Variants in P3H1 observed in about 807,000 individuals in gnomAD.
The protein encoded by P3H1 is prolyl 3-hydroxylase 1, also known as growth suppressor 1.
A neutral mutation model predicts 84.0 loss-of-function variants in P3H1; 69 were observed. The observed-to-expected ratio is 0.82, with a 90% CI of 0.68 to 1.00. P3H1 has a LOEUF of 1.00. Ranked by LOEUF, P3H1 falls within the 50% of genes least tolerant of loss-of-function variation. The probability of loss-of-function intolerance (pLI) is 0.00; values close to 1 mark genes in which losing one functional copy is unlikely to be tolerated. For synonymous variants in P3H1, 366 were observed against 388.8 expected (o/e 0.94, Z 0.69); for missense variants, 878 against 962.8 (o/e 0.91, Z 1.17).
intron 1 of P3H1, among the ~76,000 whole-genome samples, chr1:42,763,585 T>G (rs142729070): frequency 0.016 from 2,171 of 137,706 alleles, 60 homozygotes; most frequent in African/African-American, 0.056. Context: ...AGCAGGAGAA[T>G]CGCTTGAACC....
Position 42,757,926 on chromosome 1 carries a change from CA to C in P3H1, c.941-5del. On this transcript the variant is annotated splice_polypyrimidine_tract_variant and splice_region_variant and intron_variant, in intron 4 of 14. Coordinates refer to ENST00000296388, the MANE Select transcript of P3H1 (RefSeq NM_022356.4). ...ACAGCCTGTGTATAATTCCCAACTG[CA>C]AAGTGGAAAGAAGAATGGCTGAGAG... is the stretch of plus-strand genomic sequence containing the variant. 6.2e-7 allele frequency: 1 copy of C among 1,613,446 alleles called. No homozygotes were observed. The highest frequency in any genetic ancestry group is 8.5e-7 in the Non-Finnish European group (1 of 1,179,388).
At chr1:42,761,976 G>A in intron 2 of P3H1, 1 of 240,060 alleles carries the variant, frequency 4.2e-6, no homozygotes, top group Non-Finnish European at 8.3e-6. Context: ...AAAAAATAGG[G>A]CAAAATATAA....
intron 1 of P3H1, among the ~76,000 whole-genome samples, chr1:42,766,027 A>ACC (rs1553144418): frequency 1.5e-5 from 2 of 136,792 alleles, no homozygotes; most frequent in African/African-American, 3.0e-5. Context: ...GCCCCCACAC[A>ACC]CACACAGAAA....
intron 4 of P3H1, among the ~76,000 whole-genome samples, 185 bp downstream of exon 4, chr1:42,758,667 C>T (rs1288477751): frequency 1.3e-5 from 2 of 152,210 alleles, no homozygotes; most frequent in South Asian, 2.1e-4. Flanking sequence ...TTTTGGGTTG[C>T]TGGTATTGGC....
chr1:42,751,260 T>C (rs1252687568), intron 10 of P3H1, among the ~76,000 whole-genome samples: 2 of 95,758 alleles, frequency 2.1e-5, no homozygotes, highest in Non-Finnish European at 4.2e-5. Context: ...TGTTGATCTG[T>C]GACCTTATCC....
Position 42,754,806 on chromosome 1 carries a change from T to C in P3H1, c.1345+63A>G. On this transcript the variant is annotated intron_variant, in intron 8 of 14. Transcript: ENST00000296388. The surrounding 1 kb of genome is among the most constrained non-coding windows in gnomAD (Gnocchi z 4.0). The stretch of plus-strand genomic sequence containing the variant: ...CTGGGGTGGAGCGCTGCCTGGCAAA[T>C]GTGGGGTGACCTGCCTGGCTCCCTG... 1.2e-6 allele frequency: 2 copies of C among 1,611,772 alleles called. No individual in the cohort carries two copies. The highest frequency in any genetic ancestry group is 1.7e-6 in the Non-Finnish European group (2 of 1,178,506).
Position 42,766,905 on chromosome 1 carries a change from C to T in P3H1, c.67G>A (p.Glu23Lys), listed in dbSNP as rs1471879865. 2 of 1,609,106 alleles carry T rather than the reference C, an allele frequency of 1.2e-6. No individual in the cohort carries two copies. Among genetic ancestry groups the T allele is most frequent in the Non-Finnish European group, 1.7e-6 (2 of 1,179,822 alleles). The change falls in exon 1 of 15, where the codon GAG becomes AAG. Residue 23 changes from glutamate to lysine, a missense_variant. By Grantham distance (56) the Glu-to-Lys change is moderately conservative (BLOSUM62 1). Coordinates refer to ENST00000296388, the MANE Select transcript of P3H1 (RefSeq NM_022356.4). ...CCCCATCCTGCCTCGGACTCGACCT[C>T]GGCTTGGGAGGCAGCGGCCACGACA... ...LAVVAAASQA[E>K]VESEAGWGMV...
intron 5 of P3H1, among the ~76,000 whole-genome samples, chr1:42,756,725 G>A (rs773780307): frequency 5.9e-5 from 9 of 152,180 alleles, no homozygotes; most frequent in Non-Finnish European, 1.2e-4. Context: ...TTCATTCGAT[G>A]CTGATTTACT....
intron 10 of P3H1, chr1:42,751,575 AT>A (rs765030709): frequency 0.1 from 13,348 of 129,158 alleles, 752 homozygotes; most frequent in African/African-American, 0.16. Context: ...TAAAAAAAAA[AT>A]AAATAAATAA....
intron 11 of P3H1, 90 bp downstream of exon 11, chr1:42,750,096 C>T (rs970736153): frequency 1.6e-5 from 23 of 1,464,182 alleles, no homozygotes; most frequent in Middle Eastern, 2.0e-4. Flanking sequence ...GAAAAGGGAC[C>T]GCATCCTGTT....
chr1:42,760,455 T>C (rs78916587), intron 2 of P3H1: 8,927 of 152,106 alleles, frequency 0.059, 361 homozygotes, highest in African/African-American at 0.11. Context: ...CAAGTGATTC[T>C]AGCGCCTCAG....
In P3H1 at chr1:42,762,383, G is replaced by A. The variant is rs935067008; in HGVS notation, c.558C>T (p.Tyr186=). 1 of 1,614,120 alleles carries A rather than the reference G, an allele frequency of 6.2e-7. No homozygotes were observed. The highest frequency in any genetic ancestry group is 8.5e-7 in the Non-Finnish European group (1 of 1,179,982). The change falls in exon 2 of 15, where the codon TAC becomes TAT. Residue 186 remains tyrosine (Y), a synonymous_variant. Coordinates refer to ENST00000296388, the MANE Select transcript of P3H1 (RefSeq NM_022356.4). ...HMEMQQNLDY[Y]QTMSGVKEAD... ...CCTCCTTCACTCCAGACATGGTTTG[G>A]TAATAGTCTAGGTTCTGCTGCATTT...
At position 42,749,151 on chromosome 1, in the gene P3H1, G is replaced by A. The variant is rs183945181; in HGVS notation, c.1721-834C>T. 2.9e-3 allele frequency among the ~76,000 whole-genome samples: 438 copies of A among 152,360 alleles called. 2 individuals carry two copies. Among genetic ancestry groups the A allele is most frequent in the African/African-American group, 9.8e-3 (408 of 41,586 alleles). On this transcript the variant is annotated intron_variant, in intron 11 of 14. Coordinates refer to ENST00000296388, the MANE Select transcript of P3H1 (RefSeq NM_022356.4). Reference sequence around the variant, plus strand: ...CCTTTAAAAGTCAAGGCCTCACCACGTCCTTCACTGCTTGATGAGGCCTCC... The same window carrying A: ...CCTTTAAAAGTCAAGGCCTCACCACATCCTTCACTGCTTGATGAGGCCTCC...
Position 42,759,320 on chromosome 1 carries a change from G to A in P3H1, c.689C>T (p.Ala230Val), listed in dbSNP as rs369342678. ...QPQEAVPHLE[A>V]ALQEYFVAYE... ...GGCCACAAAGTATTCTTGCAGCGCCGCCTCTAGGTGGGGCACAGCTTCCTG... is the reference window on the plus strand; with the variant it reads ...GGCCACAAAGTATTCTTGCAGCGCCACCTCTAGGTGGGGCACAGCTTCCTG... The change falls in exon 3 of 15, where the codon GCG (alanine) becomes GTG (valine). Residue 230 changes from alanine to valine, a missense_variant. Physicochemically the swap from Ala to Val is moderately conservative, Grantham distance 64. Transcript: ENST00000296388. 171 of 1,614,014 alleles carry A rather than the reference G, an allele frequency of 1.1e-4. 1 individual carries two copies. Among genetic ancestry groups the A allele is most frequent in the Middle Eastern group, 4.9e-4 (3 of 6,084 alleles).
At chr1:42,752,693 A>C in intron 8 of P3H1, 29 bp from the exon 9 acceptor site, 1 of 1,613,974 alleles carries the variant, frequency 6.2e-7, no homozygotes, top group Non-Finnish European at 8.5e-7. Context: ...ACTCTAGCTA[A>C]ATCTAGCAGC....
rs78508345 is a variant in P3H1 at position 42,762,819 on chromosome 1, C to T, written c.466-344G>A. 2.0e-5 allele frequency among the ~76,000 whole-genome samples: 3 copies of T among 152,122 alleles called. 1 individual carries two copies. Among genetic ancestry groups the T allele is most frequent in the South Asian group, 4.1e-4 (2 of 4,830 alleles). On this transcript the variant is annotated intron_variant, in intron 1 of 14. Coordinates refer to ENST00000296388, the MANE Select transcript of P3H1 (RefSeq NM_022356.4). ...ACATAATATGTTTTCATGCTGGGTG[C>T]GGTGGCTCAGGTCTGTAATCCCAGC...
chr1:42,747,568 G>T lies in P3H1; in HGVS notation c.1914+155C>A, dbSNP rs1463243149. 13 of 1,093,176 alleles carry T rather than the reference G, an allele frequency of 1.2e-5. No homozygotes were observed. The South Asian group carries it at 1.6e-4, about 14-fold the overall frequency. 67.7% of individuals were successfully genotyped at this position (1,093,176 alleles called of 1,614,324 possible). A position where few individuals can be genotyped will look rare whatever the true frequency, so the allele number is the denominator to read the frequency against. On this transcript the variant is annotated intron_variant, in intron 13 of 14. Transcript: ENST00000296388. ...AAAGAGAAAGGGTGACTGGTTAGAGGAGTGATGGACACGTCTCAAAGCCCC... is the reference window on the plus strand; with the variant it reads ...AAAGAGAAAGGGTGACTGGTTAGAGTAGTGATGGACACGTCTCAAAGCCCC...
chr1:42,746,601 C>A lies in P3H1; in HGVS notation c.*96G>T. On this transcript the variant is annotated 3_prime_UTR_variant, in exon 15 of 15. Coordinates refer to ENST00000296388, the MANE Select transcript of P3H1 (RefSeq NM_022356.4). ...CCCTCGGCTGAGTGGCAGATGTAGGCTCACTGCTCTGCAGCCCCGAGGGGC... is the reference window on the plus strand; with the variant it reads ...CCCTCGGCTGAGTGGCAGATGTAGGATCACTGCTCTGCAGCCCCGAGGGGC... The A allele has an allele frequency of 1.0e-6, 1 of 1,004,410 alleles. No individual in the cohort carries two copies. Among genetic ancestry groups the A allele is most frequent in the South Asian group, 1.4e-5 (1 of 71,794 alleles). 62.2% of individuals were successfully genotyped at this position (1,004,410 alleles called of 1,614,324 possible).
chr1:42,751,158 C>G (rs1342650890), intron 10 of P3H1, among the ~76,000 whole-genome samples: 2 of 136,554 alleles, frequency 1.5e-5, no homozygotes, highest in Admixed American at 7.5e-5. Flanking sequence ...ATTGAGAAAT[C>G]GGATGGTTGC....
Sources: allele counts gnomAD v4.1 joint callset (sites outside exome capture counted in the v4.1 genomes callset), GRCh38; gene constraint gnomAD v4.1.1; non-coding constraint Gnocchi (gnomAD v3.1); transcripts MANE v1.5; gene names NCBI Gene and HGNC (gene_info 2026-07-23, HGNC 2026-07-21).